COL25A1: variants seen among roughly 807,000 people sequenced by gnomAD.
COL25A1 encodes collagen alpha-1(XXV) chain.
A neutral mutation model predicts 128.4 loss-of-function variants in COL25A1; 103 were observed. That is an observed-to-expected ratio of 0.80 (90% CI 0.68 to 0.94). The LOEUF (loss-of-function observed/expected upper bound fraction) is 0.94, where lower values mean the gene tolerates loss of function less well. Ranked by LOEUF, COL25A1 falls within the 40% of genes least tolerant of loss-of-function variation. The pLI, the probability that COL25A1 is intolerant of heterozygous loss-of-function variation, is 0.00. For missense variants in COL25A1, 745 were observed against 840.0 expected (o/e 0.89, Z 1.40); for synonymous variants, 279 against 277.2 (o/e 1.01, Z -0.06).
intron 3 of COL25A1, among the ~76,000 whole-genome samples, chr4:109,147,350 TG>T (rs1307268676): frequency 1.3e-5 from 2 of 152,222 alleles, no homozygotes; most frequent in Non-Finnish European, 2.9e-5. Flanking sequence ...GGCTTCACTT[TG>T]CTCACCATGA....
At chr4:109,139,797 A>ATATC (rs1369711817) in intron 3 of COL25A1, among the ~76,000 whole-genome samples, 3 of 152,040 alleles carry the variant, frequency 2.0e-5, no homozygotes, top group African/African-American at 4.8e-5. Flanking sequence ...AACATTAAGT[A>ATATC]TATCTCCTAA....
chr4:109,142,168 C>T lies in COL25A1; in HGVS notation c.368-91989G>A, dbSNP rs147888550. ...TTTCAAAGAATTTATTTATTTCTGC[C>T]TTAATTTCGTTATTTACCCAGTAGT... On this transcript the variant is annotated intron_variant, in intron 3 of 37. Coordinates refer to ENST00000399132, the MANE Select transcript of COL25A1 (RefSeq NM_198721.4). 1.7e-3 allele frequency among the ~76,000 whole-genome samples: 254 copies of T among 152,166 alleles called. 3 individuals carry two copies. The highest frequency in any genetic ancestry group is 5.6e-3 in the African/African-American group (234 of 41,518).
At chr4:109,254,469 T>TTATATA (rs55997800) in intron 3 of COL25A1, among the ~76,000 whole-genome samples, 3,290 of 59,204 alleles carry the variant, frequency 0.056, 148 homozygotes, top group Non-Finnish European at 0.078. Context: ...AGGCATATGT[T>TTATATA]TATATATATA....
At chr4:108,937,315 T>C (rs1172575329) in intron 11 of COL25A1, among the ~76,000 whole-genome samples, 1 of 151,462 alleles carries the variant, frequency 6.6e-6, no homozygotes, top group East Asian at 1.9e-4. Flanking sequence ...AGTAAGTCCA[T>C]GTGGAATCAT....
chr4:108,930,205 G>A (rs1294683360), intron 11 of COL25A1, among the ~76,000 whole-genome samples: 1 of 152,120 alleles, frequency 6.6e-6, no homozygotes, highest in African/African-American at 2.4e-5. Context: ...CATGGATCCT[G>A]AACTTCCCTT....
At position 108,813,285 on chromosome 4, in the gene COL25A1, C is replaced by G. The variant is rs949913117; in HGVS notation, c.*642G>C. The G allele has an allele frequency of 6.6e-6, 1 of 152,402 alleles. No homozygotes were observed. The highest frequency in any genetic ancestry group is 2.1e-4 in the South Asian group (1 of 4,830). The allele number at this position is 152,402 out of a possible 1,614,324, so 9.4% of individuals were successfully genotyped here. On this transcript the variant is annotated 3_prime_UTR_variant, in exon 38 of 38. Coordinates refer to ENST00000399132, the MANE Select transcript of COL25A1 (RefSeq NM_198721.4). The stretch of plus-strand genomic sequence containing the variant: ...CAAGACAAATTGTGTGTGTGCTCTC[C>G]GCCACCTTATCTCTTTTTGGCAATA...
chr4:108,868,928 G>A (rs1325462334), intron 20 of COL25A1, among the ~76,000 whole-genome samples, 160 bp downstream of exon 20: 1 of 139,214 alleles, frequency 7.2e-6, no homozygotes, highest in Non-Finnish European at 1.5e-5. Context: ...AGAAAGAAAA[G>A]AAGGAAGGAA....
intron 3 of COL25A1, among the ~76,000 whole-genome samples, chr4:109,247,819 G>A (rs926582502): frequency 1.2e-4 from 19 of 152,028 alleles, no homozygotes; most frequent in African/African-American, 4.6e-4. Context: ...GACACCAAGA[G>A]GAAGAATACA....
intron 14 of COL25A1, among the ~76,000 whole-genome samples, chr4:108,899,554 C>G (rs1036061465): frequency 3.9e-5 from 6 of 152,092 alleles, no homozygotes; most frequent in Admixed American, 3.3e-4. Flanking sequence ...ATCAGGTGGA[C>G]TAGCATGTTT....
chr4:108,858,847 GA>G (rs1736828479), intron 24 of COL25A1, among the ~76,000 whole-genome samples: 1 of 151,790 alleles, frequency 6.6e-6, no homozygotes, highest in Admixed American at 6.6e-5. Flanking sequence ...GAAGGTCAGA[GA>G]GACAAAAAAA....
chr4:109,235,010 TA>T (rs111898186), intron 3 of COL25A1, among the ~76,000 whole-genome samples: 1 of 151,210 alleles, frequency 6.6e-6, no homozygotes, highest in African/African-American at 2.4e-5. Flanking sequence ...TTACTATATT[TA>T]AAAAAAAACA....
intron 3 of COL25A1, among the ~76,000 whole-genome samples, chr4:109,050,429 T>C (rs1457901479): frequency 6.6e-6 from 1 of 152,132 alleles, no homozygotes; most frequent in Non-Finnish European, 1.5e-5. Context: ...GATTGGGAAT[T>C]TTTGTTCATC....
chr4:109,176,328 T>G (rs893920855), intron 3 of COL25A1, among the ~76,000 whole-genome samples: 7 of 152,118 alleles, frequency 4.6e-5, no homozygotes, highest in African/African-American at 1.7e-4. Context: ...AGGTGGAGAT[T>G]GCAGTGAGCC....
At chr4:108,983,944 T>G (rs984027808) in intron 6 of COL25A1, among the ~76,000 whole-genome samples, 1 of 152,142 alleles carries the variant, frequency 6.6e-6, no homozygotes, top group Non-Finnish European at 1.5e-5. Context: ...GGGTTGCCAC[T>G]GCTGACTCGG....
At chr4:109,044,088 AGTGTGTGT>A (rs142400635) in intron 5 of COL25A1, among the ~76,000 whole-genome samples, 220 of 149,648 alleles carry the variant, frequency 1.5e-3, no homozygotes, top group African/African-American at 4.6e-3. Flanking sequence ...CTCCTCTGAT[AGTGTGTGT>A]GTGTGTGTGT....
In COL25A1 at chr4:108,859,750, C is replaced by A. The variant is rs1203862490; in HGVS notation, c.1243-17G>T. 1.9e-6 allele frequency: 3 copies of A among 1,607,126 alleles called. No individual in the cohort carries two copies. Among genetic ancestry groups the A allele is most frequent in the East Asian group, 2.2e-5 (1 of 44,810 alleles). ...AGGTGGACCCTATGACAAAACCAAT[C>A]AAGGGAAAATCATGGGTATTAGCTT... On this transcript the variant is annotated splice_polypyrimidine_tract_variant and intron_variant, in intron 23 of 37. Coordinates refer to ENST00000399132, the MANE Select transcript of COL25A1 (RefSeq NM_198721.4).
intron 3 of COL25A1, among the ~76,000 whole-genome samples, chr4:109,238,888 C>T (rs1779642896): frequency 6.6e-6 from 1 of 151,960 alleles, no homozygotes; most frequent in Non-Finnish European, 1.5e-5. Flanking sequence ...GTGGAAATTC[C>T]CTTTTGATGA....
At chr4:109,273,491 A>C (rs1782336553) in intron 3 of COL25A1, among the ~76,000 whole-genome samples, 1 of 152,188 alleles carries the variant, frequency 6.6e-6, no homozygotes. Flanking sequence ...AAGTAATATA[A>C]CCTTTATATT....
chr4:108,862,646 G>T, intron 21 of COL25A1, 101 bp from the exon 22 acceptor site: 4 of 948,534 alleles, frequency 4.2e-6, no homozygotes, highest in Non-Finnish European at 6.7e-6. Context: ...AAGAAAAATG[G>T]AAACACTTTA....
Sources: allele counts gnomAD v4.1 joint callset (sites outside exome capture counted in the v4.1 genomes callset), GRCh38; gene constraint gnomAD v4.1.1; transcripts MANE v1.5; gene names NCBI Gene and HGNC (gene_info 2026-07-23, HGNC 2026-07-21).